MTFR1: variants seen among roughly 807,000 people sequenced by gnomAD.
The protein encoded by MTFR1 is chondrocyte protein with a poly-proline region.
Under a neutral mutation model 38.8 loss-of-function variants are expected in MTFR1, and 28 were observed. That is an observed-to-expected ratio of 0.72 (90% CI 0.53 to 0.99). MTFR1 has a LOEUF of 0.99. Ranked by LOEUF, MTFR1 falls within the 50% of genes least tolerant of loss-of-function variation. The pLI, the probability that MTFR1 is intolerant of heterozygous loss-of-function variation, is 0.00. For synonymous variants in MTFR1, 145 were observed against 137.0 expected, an observed-to-expected ratio of 1.06 and a Z score of -0.41; for missense variants, 358 against 395.5, an observed-to-expected ratio of 0.91 and a Z score of 0.81.
intron 1 of MTFR1, among the ~76,000 whole-genome samples, chr8:65,666,128 TG>T (rs1382671681): frequency 6.6e-6 from 1 of 152,158 alleles, no homozygotes; most frequent in Non-Finnish European, 1.5e-5. Flanking sequence ...AACACCCAGC[TG>T]GGCACAGTGC....
intron 3 of MTFR1, among the ~76,000 whole-genome samples, chr8:65,732,278 C>T (rs1255625762): frequency 6.6e-6 from 1 of 152,098 alleles, no homozygotes; most frequent in African/African-American, 2.4e-5. Context: ...GGATTACAGG[C>T]GTGAGCCACC....
At chr8:65,737,589 TCTCA>T (rs896847165) in intron 3 of MTFR1, among the ~76,000 whole-genome samples, 6 of 152,186 alleles carry the variant, frequency 3.9e-5, no homozygotes, top group South Asian at 2.1e-4. Context: ...ACTCTCTCTC[TCTCA>T]ATCTCACCTC....
At chr8:65,778,300 A>G in the MTFR1 span, among the ~76,000 whole-genome samples, 1 of 152,192 alleles carries the variant, frequency 6.6e-6, no homozygotes, top group Non-Finnish European at 1.5e-5. Context: ...AATTAGTCCA[A>G]CTACCCTAAG....
In MTFR1 at chr8:65,658,153, T is replaced by C. The variant is rs115175288; in HGVS notation, c.-80-11720T>C. Among the ~76,000 whole-genome samples, 310 of 152,312 alleles carry C rather than the reference T, an allele frequency of 2.0e-3. 1 individual carries two copies. The highest frequency in any genetic ancestry group is 7.2e-3 in the African/African-American group (301 of 41,578). ...ATTCCCATCTTTCATAATGAAAATA[T>C]AGTTAAATGGCCATTTCCTTGAATA... On this transcript the variant is annotated intron_variant, in intron 1 of 7. Transcript: ENST00000262146.
At chr8:65,723,615 A>G (rs141378551) in intron 3 of MTFR1, 37 of 1,556,068 alleles carry the variant, frequency 2.4e-5, no homozygotes, top group South Asian at 2.3e-4. Context: ...TTTTTTTTCT[A>G]TATCTCCTAT....
intron 3 of MTFR1, among the ~76,000 whole-genome samples, chr8:65,692,261 A>G (rs1271834495): frequency 6.6e-6 from 1 of 152,202 alleles, no homozygotes; most frequent in Non-Finnish European, 1.5e-5. Context: ...CTCAGGCATT[A>G]TTATATGTAT....
chr8:65,721,329 A>G lies in MTFR1; in HGVS notation c.*48+1848A>G, dbSNP rs190037488. Reference sequence around the variant, plus strand: ...AAGAAAGAAACTGTATTAGTTCAACATGACTTGTACATACTGCCCCTATGT... The same window carrying G: ...AAGAAAGAAACTGTATTAGTTCAACGTGACTTGTACATACTGCCCCTATGT... On this transcript the variant is annotated intron_variant, in intron 3 of 3. Coordinates refer to the MTFR1 transcript ENST00000521247. 2.2e-3 allele frequency among the ~76,000 whole-genome samples: 338 copies of G among 152,374 alleles called. 1 individual carries two copies. Among genetic ancestry groups the G allele is most frequent in the South Asian group, 6.2e-3 (30 of 4,834 alleles).
intron 2 of MTFR1, among the ~76,000 whole-genome samples, chr8:65,670,451 GA>G (rs553480643): frequency 1.9e-4 from 29 of 151,742 alleles, no homozygotes; most frequent in Admixed American, 3.3e-4. Context: ...TTGATAAGAA[GA>G]AAAAAAAGTT....
chr8:65,668,052 A>G (rs892980675), intron 1 of MTFR1, among the ~76,000 whole-genome samples: 56 of 152,262 alleles, frequency 3.7e-4, no homozygotes, highest in African/African-American at 1.3e-3. Context: ...CTCTTCTCAC[A>G]ACGTAGACCA....
intron 2 of MTFR1, among the ~76,000 whole-genome samples, chr8:65,676,892 G>A (rs1350661038): frequency 1.3e-5 from 2 of 151,954 alleles, no homozygotes; most frequent in Non-Finnish European, 2.9e-5. Flanking sequence ...CTTTCCTGTT[G>A]TCATCCTCCT....
chr8:65,666,405 CAAAACA>C (rs769586410), intron 1 of MTFR1, among the ~76,000 whole-genome samples: 1 of 152,074 alleles, frequency 6.6e-6, no homozygotes, highest in Non-Finnish European at 1.5e-5. Flanking sequence ...GACTTTGTCT[CAAAACA>C]AAAACAAAAA....
At chr8:65,695,263 C>T (rs983089021) in intron 4 of MTFR1, among the ~76,000 whole-genome samples, 1 of 152,048 alleles carries the variant, frequency 6.6e-6, no homozygotes, top group Non-Finnish European at 1.5e-5. Context: ...TGGAGATTAA[C>T]GAAGGAAGAG....
chr8:65,776,556 A>G, the MTFR1 span, among the ~76,000 whole-genome samples: 3 of 152,284 alleles, frequency 2.0e-5, no homozygotes, highest in Middle Eastern at 0.01. Flanking sequence ...ATATATTTCT[A>G]TTTAAGTTAT....
intron 3 of MTFR1, among the ~76,000 whole-genome samples, chr8:65,744,057 T>C (rs937578595): frequency 4.6e-5 from 7 of 152,192 alleles, no homozygotes; most frequent in Non-Finnish European, 8.8e-5. Context: ...GGTCTTAAAC[T>C]CCTGACCTCA....
At chr8:65,659,426 G>GT (rs35841835) in intron 1 of MTFR1, among the ~76,000 whole-genome samples, 1,356 of 133,366 alleles carry the variant, frequency 0.01, 8 homozygotes, top group Middle Eastern at 0.012. Context: ...CAAAGGAGAG[G>GT]TTTTTTTTTT....
At chr8:65,741,652 A>G (rs1175351649) in intron 3 of MTFR1, among the ~76,000 whole-genome samples, 1 of 152,256 alleles carries the variant, frequency 6.6e-6, no homozygotes, top group African/African-American at 2.4e-5. Flanking sequence ...CTCTATTGGT[A>G]CAAACACGAG....
chr8:65,752,468 T>C (rs1289062097), intron 3 of MTFR1, among the ~76,000 whole-genome samples: 3 of 152,206 alleles, frequency 2.0e-5, no homozygotes, highest in African/African-American at 7.2e-5. Flanking sequence ...TTGAATTTCT[T>C]TGAAGGTACT....
intron 3 of MTFR1, among the ~76,000 whole-genome samples, chr8:65,766,062 C>T (rs1243878068): frequency 6.6e-6 from 1 of 152,206 alleles, no homozygotes; most frequent in Non-Finnish European, 1.5e-5. Flanking sequence ...TCTCCTGCCT[C>T]AGCCTCCCGA....
intron 2 of MTFR1, among the ~76,000 whole-genome samples, chr8:65,679,169 G>A (rs903189394): frequency 1.3e-5 from 2 of 152,152 alleles, no homozygotes; most frequent in Non-Finnish European, 2.9e-5. Context: ...ACGTTGTAAT[G>A]CACAAATAGC....
Sources: gnomAD v4.1 joint callset for allele counts (sites outside exome capture counted in the v4.1 genomes callset) on GRCh38, gnomAD v4.1.1 for gene constraint, MANE v1.5 for transcripts, NCBI Gene and HGNC (gene_info 2026-07-23, HGNC 2026-07-21) for gene names.